The following TIPIN variants were observed in gnomAD, a reference collection of about 807,000 sequenced individuals.
The protein encoded by TIPIN is TIMELESS interacting protein, also known as TIMELESS-interacting protein.
TIPIN carries 29 observed loss-of-function variants against 35.6 expected under a neutral mutation model. The observed-to-expected ratio is 0.82, with a 90% CI of 0.61 to 1.11. The LOEUF is 1.11. TIPIN is among the 50% of genes most tolerant of loss of function. The pLI is 0.00. For missense variants in TIPIN, 296 were observed against 345.4 expected, an observed-to-expected ratio of 0.86 and a Z score of 1.13; for synonymous variants, 102 against 121.5, an observed-to-expected ratio of 0.84 and a Z score of 1.06.
chr15:66,372,217 TTCATC>T (rs1269106471), intron 1 of TIPIN, among the ~76,000 whole-genome samples: 2 of 152,188 alleles, frequency 1.3e-5, no homozygotes, highest in African/African-American at 4.8e-5. Flanking sequence ...GAAAGCCCCC[TTCATC>T]TCACCTTCCT....
chr15:66,377,883 G>A (rs1001997588), intron 1 of TIPIN, among the ~76,000 whole-genome samples: 1 of 151,612 alleles, frequency 6.6e-6, no homozygotes, highest in African/African-American at 2.4e-5. Flanking sequence ...GTCTCGCTCT[G>A]TTGCCCCAGC....
chr15:66,360,050 G>A (rs2093224316), upstream of TIPIN, among the ~76,000 whole-genome samples: 1 of 152,032 alleles, frequency 6.6e-6, no homozygotes, highest in South Asian at 2.1e-4. Flanking sequence ...TGGGATTATA[G>A]ACATGAGTCA....
chr15:66,375,017 AT>A (rs963280000), intron 1 of TIPIN, among the ~76,000 whole-genome samples: 2 of 151,758 alleles, frequency 1.3e-5, no homozygotes, highest in Admixed American at 6.6e-5. Context: ...GGCTTTGCCC[AT>A]TTTTTTTGGT....
Position 66,337,210 on chromosome 15 carries a change from T to C in TIPIN, c.683-29A>G, listed in dbSNP as rs1253308819. 1.9e-6 allele frequency: 3 copies of C among 1,586,214 alleles called. No individual in the cohort carries two copies. In the African/African-American group the frequency reaches 4.0e-5, roughly 21 times the overall value. ...AAAGAAATCATACCATTATTATTCA[T>C]TATAAGTACCTGATCCAATCTTACC... On this transcript the variant is annotated intron_variant, in intron 7 of 7. Coordinates refer to ENST00000261881, the MANE Select transcript of TIPIN (RefSeq NM_017858.3).
chr15:66,372,825 C>T (rs1470970768), intron 1 of TIPIN, among the ~76,000 whole-genome samples: 3 of 151,952 alleles, frequency 2.0e-5, no homozygotes, highest in African/African-American at 7.3e-5. Context: ...ATTGCTTGAA[C>T]CTGAGAGGCG....
Position 66,349,296 on chromosome 15 carries a change from T to C in TIPIN, c.411+19A>G, listed in dbSNP as rs1474229104. ...CCATTTAGCATGTGAATGATATTTA[T>C]AATCATCTCAACACTTACCTGAACT... On this transcript the variant is annotated intron_variant, in intron 5 of 7. Transcript: ENST00000261881. 6.2e-7 allele frequency: 1 copy of C among 1,611,516 alleles called. No homozygotes were observed. The highest frequency in any genetic ancestry group is 8.5e-7 in the Non-Finnish European group (1 of 1,179,648).
chr15:66,359,240 G>C (rs1012383982), upstream of TIPIN, among the ~76,000 whole-genome samples: 1 of 151,776 alleles, frequency 6.6e-6, no homozygotes, highest in Non-Finnish European at 1.5e-5. Flanking sequence ...AAAATTATGT[G>C]TGCACATGTA....
chr15:66,363,462 T>G (rs1214949054), intron 1 of TIPIN, among the ~76,000 whole-genome samples: 1 of 150,540 alleles, frequency 6.6e-6, no homozygotes, highest in Non-Finnish European at 1.5e-5. Flanking sequence ...GCTAACATGG[T>G]GAAACCCCGT....
upstream of TIPIN, among the ~76,000 whole-genome samples, chr15:66,359,834 C>A (rs771018089): frequency 6.6e-6 from 1 of 152,146 alleles, no homozygotes; most frequent in Non-Finnish European, 1.5e-5. Flanking sequence ...CCCCAGCCTG[C>A]CAAAAACGAA....
At chr15:66,379,695 C>G in intron 1 of TIPIN, 2 of 1,611,108 alleles carry the variant, frequency 1.2e-6, no homozygotes, top group South Asian at 2.2e-5. Context: ...TACATGACTA[C>G]AAATAGTCCG....
At chr15:66,361,024 C>A (rs1034660472), upstream of TIPIN, among the ~76,000 whole-genome samples, 1 of 143,792 alleles carries the variant, frequency 7.0e-6, no homozygotes, top group Non-Finnish European at 1.5e-5. Context: ...CCTATCTACT[C>A]GGAAGGCTGA....
At chr15:66,364,280 C>T (rs2140482002) in intron 1 of TIPIN, among the ~76,000 whole-genome samples, 1 of 146,794 alleles carries the variant, frequency 6.8e-6, no homozygotes, top group South Asian at 2.2e-4. Context: ...ATTCTCCTGT[C>T]TCAGCCTCCC....
At chr15:66,361,093 A>C (rs932125217), upstream of TIPIN, among the ~76,000 whole-genome samples, 3 of 151,088 alleles carry the variant, frequency 2.0e-5, no homozygotes, top group African/African-American at 7.3e-5. Context: ...AGATTGTGCC[A>C]CTGCATTTCA....
chr15:66,386,119 C>G (rs942474415), intron 1 of TIPIN, among the ~76,000 whole-genome samples: 9 of 124,368 alleles, frequency 7.2e-5, no homozygotes, highest in African/African-American at 2.5e-4. Context: ...ATGGTGAAAA[C>G]CCGTTTCTAC....
chr15:66,379,233 T>C (rs576024939), intron 1 of TIPIN: 19 of 1,423,284 alleles, frequency 1.3e-5, no homozygotes, highest in African/African-American at 2.9e-5. Flanking sequence ...AGCTATTTAC[T>C]TTTCTCCAAA....
intron 1 of TIPIN, chr15:66,383,689 A>G (rs1471234685): frequency 3.1e-6 from 2 of 644,858 alleles, no homozygotes; most frequent in Non-Finnish European, 3.9e-6. Context: ...TCTATATTAA[A>G]AAGTATGGGG....
intron 7 of TIPIN, among the ~76,000 whole-genome samples, chr15:66,340,152 G>A (rs1269480370): frequency 4.2e-5 from 6 of 143,736 alleles, no homozygotes; most frequent in Admixed American, 1.4e-4. Flanking sequence ...GATTACAGGC[G>A]TGAGCCACTG....
chr15:66,368,035 T>C (rs571637665), intron 1 of TIPIN, among the ~76,000 whole-genome samples: 24 of 151,846 alleles, frequency 1.6e-4, no homozygotes, highest in African/African-American at 5.8e-4. Flanking sequence ...GGTTTCACTA[T>C]GTTGGCCAGG....
intron 6 of TIPIN, among the ~76,000 whole-genome samples, chr15:66,341,989 G>T (rs2093090611): frequency 6.6e-6 from 1 of 152,078 alleles, no homozygotes; most frequent in African/African-American, 2.4e-5. Flanking sequence ...TTCAAGACCA[G>T]TCTGGCCAAC....
Sources: gnomAD v4.1 joint callset for allele counts (sites outside exome capture counted in the v4.1 genomes callset) on GRCh38, gnomAD v4.1.1 for gene constraint, MANE v1.5 for transcripts, NCBI Gene and HGNC (gene_info 2026-07-23, HGNC 2026-07-21) for gene names.